ADGB: variants seen among roughly 807,000 people sequenced by gnomAD.
ADGB encodes androglobin.
ADGB carries 172 observed loss-of-function variants against 210.5 expected under a neutral mutation model. That is an observed-to-expected ratio of 0.82 (90% confidence interval 0.72 to 0.93). ADGB has a LOEUF of 0.93. Among genes scored for constraint, ADGB ranks in the 40% least tolerant of loss-of-function variants. The pLI, the probability that ADGB is intolerant of heterozygous loss-of-function variation, is 0.00. For missense variants in ADGB, 2,025 were observed against 1,964.8 expected (o/e 1.03, Z -0.58); for synonymous variants, 658 against 662.7 (o/e 0.99, Z 0.11).
intron 5 of ADGB, among the ~76,000 whole-genome samples, chr6:146,657,537 C>G (rs1303442347): frequency 6.6e-6 from 1 of 152,198 alleles, no homozygotes; most frequent in East Asian, 1.9e-4. Context: ...GCACTTTAAA[C>G]AGGTTCTGCC....
chr6:146,785,422 A>G lies in ADGB; in HGVS notation c.4213-188A>G, dbSNP rs553687351. 7.2e-5 allele frequency among the ~76,000 whole-genome samples: 11 copies of G among 152,276 alleles called. No homozygotes were observed. In the South Asian group the frequency reaches 1.0e-3, roughly 14 times the overall value. On this transcript the variant is annotated intron_variant, in intron 31 of 35. Transcript: ENST00000397944. Reference sequence around the variant, plus strand: ...CATCTATTCTCAAAAATAACTGTCAAAATCATGGATGATTCAGAATTTGAG... The same window carrying G: ...CATCTATTCTCAAAAATAACTGTCAGAATCATGGATGATTCAGAATTTGAG...
chr6:146,635,211 G>C (rs1775400076), intron 1 of ADGB, among the ~76,000 whole-genome samples, 164 bp from the exon 2 acceptor site: 1 of 151,904 alleles, frequency 6.6e-6, no homozygotes, highest in Non-Finnish European at 1.5e-5. Flanking sequence ...TTAGTCTTTA[G>C]AAACTTAACA....
At chr6:146,706,986 C>T (rs1239292019) in intron 13 of ADGB, among the ~76,000 whole-genome samples, 1 of 149,798 alleles carries the variant, frequency 6.7e-6, no homozygotes, top group Non-Finnish European at 1.5e-5. Context: ...ATTTGAAATT[C>T]TTCTTTAAAT....
rs558254471 is a variant in ADGB, at chr6:146,801,201, G to C, written c.4556G>C (p.Arg1519Pro). ...TTTAAAGAAACAGGACCTCGTACACGATCTCCAACAATTTTGGAAACATCT... is the reference window on the plus strand; with the variant it reads ...TTTAAAGAAACAGGACCTCGTACACCATCTCCAACAATTTTGGAAACATCT... ...KENIQTGPRT[R>P]SPTILETSPR... Residue 1519 changes from arginine (R) to proline (P), a missense_variant, in exon 34 of 36, where the codon CGA (arginine) becomes CCA (proline). Transcript: ENST00000397944. 200 of 1,496,454 alleles carry C rather than the reference G, an allele frequency of 1.3e-4. No individual in the cohort carries two copies. In the African/African-American group the frequency reaches 2.4e-3, roughly 18 times the overall value. The allele number at this position is 1,496,454 out of a possible 1,614,324, so 92.7% of individuals were successfully genotyped here. A position where few individuals can be genotyped will look rare whatever the true frequency, so the allele number is the denominator to read the frequency against.
At chr6:146,734,887 G>A (rs1777056235) in intron 22 of ADGB, among the ~76,000 whole-genome samples, 1 of 152,110 alleles carries the variant, frequency 6.6e-6, no homozygotes, top group Admixed American at 6.5e-5. Context: ...CTGCACTCTA[G>A]CCTGGGCGAC....
At chr6:146,620,236 T>C (rs1780868623) in intron 1 of ADGB, among the ~76,000 whole-genome samples, 3 of 152,154 alleles carry the variant, frequency 2.0e-5, no homozygotes, top group Non-Finnish European at 4.4e-5. Flanking sequence ...TTAATTATGA[T>C]GTGCCTTGGG....
In ADGB at chr6:146,718,045, G is replaced by T. The variant is rs573772922; in HGVS notation, c.1992+446G>T. Reference sequence around the variant, plus strand: ...CATCCCTGTTATCCTCATTGCTGTTGTTCAGCTAATGCCTAGAAATCCTTC... The same window carrying T: ...CATCCCTGTTATCCTCATTGCTGTTTTTCAGCTAATGCCTAGAAATCCTTC... On this transcript the variant is annotated intron_variant, in intron 16 of 35. Transcript: ENST00000397944. 3.9e-5 allele frequency among the ~76,000 whole-genome samples: 6 copies of T among 152,040 alleles called. No homozygotes were observed. The East Asian group carries it at 1.2e-3, about 29-fold the overall frequency.
At chr6:146,745,489 G>C (rs1777214790) in intron 25 of ADGB, among the ~76,000 whole-genome samples, 1 of 152,138 alleles carries the variant, frequency 6.6e-6, no homozygotes, top group South Asian at 2.1e-4. Flanking sequence ...CATGTCAACA[G>C]AATACATTTC....
At chr6:146,611,781 T>C (rs1216123778) in intron 1 of ADGB, among the ~76,000 whole-genome samples, 1 of 152,202 alleles carries the variant, frequency 6.6e-6, no homozygotes, top group Non-Finnish European at 1.5e-5. Flanking sequence ...GTCAGCCATC[T>C]TGGGAATTGT....
intron 30 of ADGB, among the ~76,000 whole-genome samples, chr6:146,782,650 C>T (rs1405035855): frequency 6.6e-6 from 1 of 151,986 alleles, no homozygotes; most frequent in Non-Finnish European, 1.5e-5. Context: ...TTTTTTGAAG[C>T]ATTAAAGTAT....
chr6:146,599,393 C>T (rs1027129771), intron 1 of ADGB, among the ~76,000 whole-genome samples: 8 of 152,142 alleles, frequency 5.3e-5, no homozygotes, highest in Non-Finnish European at 8.8e-5. Flanking sequence ...CTTCATAGCC[C>T]TCTCAGGCAG....
intron 9 of ADGB, 51 bp downstream of exon 9, chr6:146,676,492 T>C (rs1393414126): frequency 8.0e-7 from 1 of 1,254,784 alleles, no homozygotes; most frequent in African/African-American, 1.6e-5. Context: ...TTTCTTAAAA[T>C]GCTGGAAAAC....
At chr6:146,733,441 C>T (rs906849251) in intron 21 of ADGB, among the ~76,000 whole-genome samples, 186 bp downstream of exon 21, 5 of 152,090 alleles carry the variant, frequency 3.3e-5, no homozygotes, top group African/African-American at 1.2e-4. Context: ...TAATCCCCAC[C>T]ACATATACTT....
chr6:146,636,599 A>T lies in ADGB; in HGVS notation c.237+1062A>T, dbSNP rs1009093020. Among the ~76,000 whole-genome samples the T allele has an allele frequency of 9.6e-5, 14 of 146,432 alleles. No homozygotes were observed. The East Asian group carries it at 2.5e-3, about 26-fold the overall frequency. On this transcript the variant is annotated intron_variant, in intron 2 of 35. Coordinates refer to ENST00000397944, the MANE Select transcript of ADGB (RefSeq NM_024694.4). ...TCAAAACTTATGGAGAGAGAGAAAG[A>T]GAGAGAGTGTGAGTGTGTGGGTGTG...
chr6:146,809,377 G>T (rs1778266736), intron 35 of ADGB, among the ~76,000 whole-genome samples: 1 of 152,160 alleles, frequency 6.6e-6, no homozygotes, highest in Admixed American at 6.5e-5. Context: ...GGCTAATTTT[G>T]TATTTTTAGT....
intron 13 of ADGB, among the ~76,000 whole-genome samples, chr6:146,703,319 T>C (rs576926397): frequency 1.3e-5 from 2 of 152,076 alleles, no homozygotes; most frequent in Non-Finnish European, 2.9e-5. Context: ...TATATATAGC[T>C]GAATAACTAA....
At chr6:146,762,502 G>A (rs748363785) in intron 27 of ADGB, among the ~76,000 whole-genome samples, 3 of 151,992 alleles carry the variant, frequency 2.0e-5, no homozygotes, top group Non-Finnish European at 4.4e-5. Flanking sequence ...ATTTTTATCA[G>A]CTTCATATCT....
intron 20 of ADGB, among the ~76,000 whole-genome samples, chr6:146,731,456 T>C (rs538505268): frequency 6.6e-6 from 1 of 152,266 alleles, no homozygotes; most frequent in African/African-American, 2.4e-5. Context: ...CTAGATGGCC[T>C]TGTTTTGCAG....
At chr6:146,716,542 G>A (rs1197407136) in intron 14 of ADGB, among the ~76,000 whole-genome samples, 1 of 114,856 alleles carries the variant, frequency 8.7e-6, no homozygotes, top group Non-Finnish European at 1.5e-5. Context: ...GCAGTGAGCC[G>A]AGATTGCGCC....
Sources: gnomAD v4.1 joint callset for allele counts (sites outside exome capture counted in the v4.1 genomes callset) on GRCh38, gnomAD v4.1.1 for gene constraint, MANE v1.5 for transcripts, NCBI Gene and HGNC (gene_info 2026-07-23, HGNC 2026-07-21) for gene names.